The following FER1L6 variants were observed in gnomAD, a reference collection of about 807,000 sequenced individuals.
FER1L6 encodes the protein fer-1-like protein 6.
A neutral mutation model predicts 219.2 loss-of-function variants in FER1L6; 177 were observed. The observed-to-expected ratio is 0.81, with a 90% CI of 0.71 to 0.91. FER1L6 has a LOEUF of 0.91. Ranked by LOEUF, FER1L6 falls within the 40% of genes least tolerant of loss-of-function variation. The pLI, the probability that FER1L6 is intolerant of heterozygous loss-of-function variation, is 0.00. For missense variants in FER1L6, 2,153 were observed against 2,259.9 expected, an observed-to-expected ratio of 0.95 and a Z score of 0.96; for synonymous variants, 768 against 824.3, an observed-to-expected ratio of 0.93 and a Z score of 1.17.
rs1429762913 is a variant in FER1L6 at position 123,966,141 on chromosome 8, C to T, written c.253-18C>T. ...ATGGCGGTGTCCGGAATGGTGTCCA[C>T]ACTGCTTTGTGTTGCAGATTGCCAT... On this transcript the variant is annotated intron_variant, in intron 4 of 40. Transcript: ENST00000522917. The T allele has an allele frequency of 6.2e-7, 1 of 1,613,840 alleles. No individual in the cohort carries two copies. Among genetic ancestry groups the T allele is most frequent in the Non-Finnish European group, 8.5e-7 (1 of 1,179,970 alleles).
intron 17 of FER1L6, 70 bp downstream of exon 17, chr8:124,021,739 T>C (rs1160466015): frequency 6.4e-7 from 1 of 1,569,060 alleles, no homozygotes; most frequent in African/African-American, 1.3e-5. Context: ...GTTTGAATGG[T>C]TGGTACGGGT....
intron 12 of FER1L6, among the ~76,000 whole-genome samples, chr8:123,997,698 T>C (rs1317675649): frequency 6.6e-6 from 1 of 152,190 alleles, no homozygotes; most frequent in Non-Finnish European, 1.5e-5. Flanking sequence ...TGTTTTATTC[T>C]TTTCTATTCT....
At chr8:124,100,020 A>G (rs1263920974) in intron 37 of FER1L6, among the ~76,000 whole-genome samples, 1 of 151,992 alleles carries the variant, frequency 6.6e-6, no homozygotes, top group Admixed American at 6.5e-5. Context: ...AAGCTCTCTC[A>G]TTGCCTCAGA....
intron 39 of FER1L6, among the ~76,000 whole-genome samples, chr8:124,110,024 T>C (rs1006099226): frequency 6.6e-6 from 1 of 152,160 alleles, no homozygotes; most frequent in African/African-American, 2.4e-5. Flanking sequence ...TTCCCTAATA[T>C]ATGTTCCCCT....
At chr8:124,023,400 C>A in intron 17 of FER1L6, 44 bp from the exon 18 acceptor site, 1 of 1,589,830 alleles carries the variant, frequency 6.3e-7, no homozygotes, top group Non-Finnish European at 8.6e-7. Context: ...GCCAACCTTT[C>A]AAATCCCATT....
chr8:124,117,987 T>A (rs1006170191), intron 39 of FER1L6, among the ~76,000 whole-genome samples: 1 of 152,102 alleles, frequency 6.6e-6, no homozygotes, highest in Admixed American at 6.5e-5. Context: ...CTCCCTCCTA[T>A]CACCTTGAAT....
At position 124,070,476 on chromosome 8, in the gene FER1L6, G is replaced by A. The variant is rs771606330; in HGVS notation, c.3844G>A (p.Gly1282Ser). ...PNLAILQIYD[G>S]DLESEFNNFE... ...TCCCTTTTCCCTAAAGATATATGAC[G>A]GTGATCTCGAGAGTGAATTCAACAA... The change falls in exon 30 of 41, where the codon GGT (glycine) becomes AGT (serine). Residue 1282 changes from glycine to serine, a missense_variant. Coordinates refer to ENST00000522917, the MANE Select transcript of FER1L6 (RefSeq NM_001039112.2). 1.1e-5 allele frequency: 17 copies of A among 1,613,240 alleles called. No individual in the cohort carries two copies. Among genetic ancestry groups the A allele is most frequent in the East Asian group, 4.5e-5 (2 of 44,820 alleles).
intron 13 of FER1L6, among the ~76,000 whole-genome samples, chr8:124,007,240 T>C (rs1389508311): frequency 6.6e-6 from 1 of 152,124 alleles, no homozygotes; most frequent in African/African-American, 2.4e-5. Context: ...AAGTTCTCTT[T>C]AGCTTTTTGG....
At chr8:123,906,136 A>G (rs4370516) in intron 1 of FER1L6, among the ~76,000 whole-genome samples, 95,071 of 152,004 alleles carry the variant, frequency 0.63, 29,798 homozygotes, top group South Asian at 0.75. Flanking sequence ...GGGTATTTCC[A>G]CTGACCCTTG....
At chr8:124,113,003 A>T (rs1185906467) in intron 39 of FER1L6, among the ~76,000 whole-genome samples, 1 of 152,186 alleles carries the variant, frequency 6.6e-6, no homozygotes, top group Non-Finnish European at 1.5e-5. Flanking sequence ...TATTTTCTCT[A>T]TGCATAAATT....
At chr8:123,965,890 A>G (rs971739330) in intron 3 of FER1L6, 117 bp from the exon 4 acceptor site, 2 of 942,614 alleles carry the variant, frequency 2.1e-6, no homozygotes, top group African/African-American at 3.3e-5. Context: ...CCAGAGATGT[A>G]GACAGAATAT....
chr8:123,946,530 A>G (rs1288689759), intron 1 of FER1L6, among the ~76,000 whole-genome samples: 3 of 152,252 alleles, frequency 2.0e-5, no homozygotes, highest in Admixed American at 6.5e-5. Context: ...CTGGGATTAC[A>G]GGTGTGAGCC....
At position 123,970,109 on chromosome 8, in the gene FER1L6, A is replaced by T; in HGVS notation, c.447+12A>T. ...TCATCAAAATCTCCGTAAGTATAGCATTGGTGGTAATAGTTGTGGAGAGGT... is the reference window on the plus strand; with the variant it reads ...TCATCAAAATCTCCGTAAGTATAGCTTTGGTGGTAATAGTTGTGGAGAGGT... On this transcript the variant is annotated intron_variant, in intron 6 of 40. Transcript: ENST00000522917. 1 of 1,612,188 alleles carries T rather than the reference A, an allele frequency of 6.2e-7. No individual in the cohort carries two copies. The highest frequency in any genetic ancestry group is 8.5e-7 in the Non-Finnish European group (1 of 1,178,298).
intron 30 of FER1L6, 82 bp downstream of exon 30, chr8:124,070,680 T>A: frequency 7.9e-7 from 1 of 1,259,106 alleles, no homozygotes; most frequent in Non-Finnish European, 1.1e-6. Flanking sequence ...AATGGAATTG[T>A]GGTGTGGGAT....
intron 1 of FER1L6, among the ~76,000 whole-genome samples, chr8:123,954,696 A>C (rs558660297): frequency 6.6e-6 from 1 of 152,280 alleles, no homozygotes; most frequent in South Asian, 2.1e-4. Flanking sequence ...AGTTGCAGAG[A>C]TAGTACTGGG....
At chr8:123,933,072 G>A (rs1401046941) in intron 1 of FER1L6, among the ~76,000 whole-genome samples, 2 of 152,214 alleles carry the variant, frequency 1.3e-5, no homozygotes, top group African/African-American at 2.4e-5. Flanking sequence ...CACACCTGGT[G>A]TGTCCGAGGG....
At chr8:124,064,847 G>A (rs895838996) in intron 26 of FER1L6, among the ~76,000 whole-genome samples, 20 of 152,182 alleles carry the variant, frequency 1.3e-4, no homozygotes, top group Non-Finnish European at 2.2e-4. Context: ...AGCTTGGAAA[G>A]GCCATGGGTT....
chr8:123,887,520 G>C (rs1241099479), intron 1 of FER1L6, among the ~76,000 whole-genome samples: 1 of 152,188 alleles, frequency 6.6e-6, no homozygotes, highest in Non-Finnish European at 1.5e-5. Context: ...TTTGAAATTT[G>C]ACATCTGCAT....
chr8:123,957,536 A>G (rs1422183825), intron 2 of FER1L6, among the ~76,000 whole-genome samples: 1 of 152,188 alleles, frequency 6.6e-6, no homozygotes, highest in Non-Finnish European at 1.5e-5. Context: ...TACATCATTC[A>G]TGACTCTGAA....
Sources: allele counts gnomAD v4.1 joint callset (sites outside exome capture counted in the v4.1 genomes callset), GRCh38; gene constraint gnomAD v4.1.1; transcripts MANE v1.5; gene names NCBI Gene and HGNC (gene_info 2026-07-23, HGNC 2026-07-21).